CDK8: variants seen among roughly 807,000 people sequenced by gnomAD.
The protein encoded by CDK8 is cyclin dependent kinase 8, also known as cyclin-dependent kinase 8.
Under a neutral mutation model 71.5 loss-of-function variants are expected in CDK8, and 29 were observed. That is an observed-to-expected ratio of 0.41 (90% CI 0.30 to 0.55). The LOEUF is 0.55. CDK8 is among the 20% of genes least tolerant of loss of function. CDK8 has a pLI of 0.37. For missense variants in CDK8, 288 were observed against 572.6 expected, an observed-to-expected ratio of 0.50 and a Z score of 5.07; for synonymous variants, 161 against 192.1, an observed-to-expected ratio of 0.84 and a Z score of 1.34.
intron 1 of CDK8, among the ~76,000 whole-genome samples, chr13:26,272,973 G>A (rs934734602): frequency 2.0e-5 from 3 of 151,980 alleles, no homozygotes; most frequent in African/African-American, 7.3e-5. Context: ...TTTTAATTTT[G>A]GTGTAGTCCA....
chr13:26,317,277 T>A (rs1393406818), intron 1 of CDK8, among the ~76,000 whole-genome samples: 1 of 152,028 alleles, frequency 6.6e-6, no homozygotes, highest in Non-Finnish European at 1.5e-5. Context: ...GATAAAACAA[T>A]GATAAGCATT....
chr13:26,400,247 A>C, intron 9 of CDK8: 1 of 517,248 alleles, frequency 1.9e-6, no homozygotes, highest in Non-Finnish European at 3.4e-6. Flanking sequence ...CAAGAGTAAA[A>C]CAAGTGAGAT....
chr13:26,401,354 A>G lies in CDK8; in HGVS notation c.1110+7A>G. ...TGATGACAAAGGAGACAAAGTAAGT[A>G]TTAAAGTACTGTTAGCAGCTTCTTG... On this transcript the variant is annotated splice_region_variant and intron_variant, in intron 11 of 12. Coordinates refer to ENST00000381527, the MANE Select transcript of CDK8 (RefSeq NM_001260.3). The surrounding 1 kb of genome is among the most constrained non-coding windows in gnomAD (Gnocchi z 4.5). The G allele has an allele frequency of 6.2e-7, 1 of 1,613,422 alleles. No homozygotes were observed. The highest frequency in any genetic ancestry group is 1.6e-4 in the Middle Eastern group (1 of 6,062).
In CDK8 at chr13:26,403,379, G is replaced by A. The variant is rs186170499; in HGVS notation, c.1270-577G>A. Among the ~76,000 whole-genome samples, 799 of 151,954 alleles carry A rather than the reference G, an allele frequency of 5.3e-3. 5 individuals are homozygous for A. The highest frequency in any genetic ancestry group is 0.018 in the African/African-American group (732 of 41,414). On this transcript the variant is annotated intron_variant, in intron 12 of 12. Coordinates refer to ENST00000381527, the MANE Select transcript of CDK8 (RefSeq NM_001260.3). ...TTTTTAAAAATTAGCTGAGCATGGA[G>A]GTGCATGCCTATAATCCTAGCAATG...
intron 3 of CDK8, among the ~76,000 whole-genome samples, chr13:26,351,938 A>G (rs1448294189): frequency 1.3e-5 from 2 of 152,132 alleles, no homozygotes; most frequent in African/African-American, 4.8e-5. Context: ...TTTGTTATGT[A>G]GCCCTGGAAT....
At chr13:26,264,039 T>A (rs1013668362) in intron 1 of CDK8, among the ~76,000 whole-genome samples, 4 of 152,016 alleles carry the variant, frequency 2.6e-5, no homozygotes, top group Non-Finnish European at 4.4e-5. Context: ...GAGCCACCGC[T>A]CCCAGCCAAG....
At chr13:26,355,579 A>G (rs1873861203) in intron 4 of CDK8, among the ~76,000 whole-genome samples, 1 of 152,098 alleles carries the variant, frequency 6.6e-6, no homozygotes, top group Non-Finnish European at 1.5e-5. Flanking sequence ...GCGCCACTTC[A>G]CTCCAGCCTG....
intron 1 of CDK8, among the ~76,000 whole-genome samples, chr13:26,323,962 C>G (rs1405723222): frequency 6.6e-6 from 1 of 152,088 alleles, no homozygotes; most frequent in Non-Finnish European, 1.5e-5. Flanking sequence ...ATCACTATGC[C>G]AGACTGGTCC....
intron 1 of CDK8, among the ~76,000 whole-genome samples, chr13:26,282,765 A>G (rs1475298067): frequency 1.3e-5 from 2 of 152,234 alleles, no homozygotes; most frequent in Non-Finnish European, 2.9e-5. Flanking sequence ...TAAAATACAT[A>G]TAATGGCAGA....
chr13:26,318,173 A>G (rs1874601108), intron 1 of CDK8, among the ~76,000 whole-genome samples: 1 of 152,164 alleles, frequency 6.6e-6, no homozygotes, highest in Non-Finnish European at 1.5e-5. Flanking sequence ...TTGTATGCCA[A>G]TAAATCAGAT....
Position 26,271,315 on chromosome 13 carries a change from A to G in CDK8, c.128+16546A>G, listed in dbSNP as rs377368383. ...GCAAGTTTATGATTGTGTGAACATC[A>G]TAGAGCATACTCAGACACCTAGATG... is the stretch of plus-strand genomic sequence containing the variant. On this transcript the variant is annotated intron_variant, in intron 1 of 12. Coordinates refer to ENST00000381527, the MANE Select transcript of CDK8 (RefSeq NM_001260.3). Among the ~76,000 whole-genome samples, 15 of 152,254 alleles carry G rather than the reference A, an allele frequency of 9.9e-5. No individual in the cohort carries two copies. In the South Asian group the frequency reaches 3.1e-3, roughly 32 times the overall value.
At chr13:26,283,758 C>T (rs920705074) in intron 1 of CDK8, among the ~76,000 whole-genome samples, 8 of 151,952 alleles carry the variant, frequency 5.3e-5, no homozygotes, top group East Asian at 1.9e-4. Context: ...ATTAGCCAGC[C>T]GTGGTGGCGT....
chr13:26,337,717 AT>A (rs1417040316), intron 2 of CDK8, 75 bp downstream of exon 2: 1 of 535,746 alleles, frequency 1.9e-6, no homozygotes, highest in African/African-American at 1.9e-5. Context: ...TCTGTATTGT[AT>A]TTGTCATATT....
intron 4 of CDK8, among the ~76,000 whole-genome samples, chr13:26,357,114 A>T (rs1872789381): frequency 6.6e-6 from 1 of 152,222 alleles, no homozygotes; most frequent in Admixed American, 6.5e-5. Context: ...AATTTCTTTG[A>T]TATGTATAGT....
intron 1 of CDK8, among the ~76,000 whole-genome samples, chr13:26,288,543 C>CT (rs1873134111): frequency 6.6e-6 from 1 of 151,046 alleles, no homozygotes; most frequent in African/African-American, 2.4e-5. Flanking sequence ...TCATTTATTT[C>CT]TTATTTTTTT....
chr13:26,259,683 T>A (rs916966387), intron 1 of CDK8, among the ~76,000 whole-genome samples: 2 of 152,198 alleles, frequency 1.3e-5, no homozygotes, highest in Non-Finnish European at 2.9e-5. Flanking sequence ...TAAATTTCAT[T>A]TTTTTAGTAG....
rs540794149 is a variant in CDK8 at position 26,349,125 on chromosome 13, G to A, written c.258G>A (p.Leu86=). The change falls in exon 3 of 13, where the codon CTG becomes CTA. Residue 86 remains leucine (L), a synonymous_variant. Transcript: ENST00000381527. ...TCATTTCTCTTCAAAAGGTGTTTCT[G>A]TCTCATGCTGATAGGAAGGTGTGGC... is the stretch of plus-strand genomic sequence containing the variant. ...PNVISLQKVF[L]SHADRKVWLL... is the part of the protein sequence containing the mutation. 47 of 1,613,672 alleles carry A rather than the reference G, an allele frequency of 2.9e-5. No individual in the cohort carries two copies. Among genetic ancestry groups the A allele is most frequent in the African/African-American group, 1.9e-4 (14 of 75,038 alleles).
chr13:26,305,918 G>A (rs909724949), intron 1 of CDK8, among the ~76,000 whole-genome samples: 6 of 152,154 alleles, frequency 3.9e-5, no homozygotes, highest in Admixed American at 1.3e-4. Context: ...GAGCCCTTAC[G>A]AGTCTCTTTA....
intron 5 of CDK8, among the ~76,000 whole-genome samples, chr13:26,383,231 G>A (rs111323372): frequency 0.013 from 2,039 of 152,242 alleles, 47 homozygotes; most frequent in African/African-American, 0.045. Context: ...AGTTGTGTTC[G>A]CTTGAGTCAG....
Sources: gnomAD v4.1 joint callset for allele counts (sites outside exome capture counted in the v4.1 genomes callset) on GRCh38, gnomAD v4.1.1 for gene constraint, Gnocchi (gnomAD v3.1) non-coding constraint, MANE v1.5 for transcripts, NCBI Gene and HGNC (gene_info 2026-07-23, HGNC 2026-07-21) for gene names.